ALPG: variants seen among roughly 807,000 people sequenced by gnomAD.
ALPG encodes the protein alkaline phosphatase, germ cell, also known as alkaline phosphatase, germ cell type.
A neutral mutation model predicts 48.6 loss-of-function variants in ALPG; 32 were observed. The ratio of observed to expected loss-of-function variants is 0.66; its 90% CI spans 0.50 to 0.88. ALPG has a LOEUF of 0.88. ALPG is among the 40% of genes least tolerant of loss of function. ALPG has a pLI of 0.00. For missense variants in ALPG, 533 were observed against 718.1 expected, an observed-to-expected ratio of 0.74 and a Z score of 2.95; for synonymous variants, 244 against 308.9, an observed-to-expected ratio of 0.79 and a Z score of 2.20.
rs41265115 is a variant in ALPG, at chr2:232,407,383, G to C, written c.282G>C (p.Pro94=). ...CCTTCCTGGCCATGGACCGCTTCCC[G>C]TACGTGGCTCTGTCCAAGGTAAGTG... ...PETFLAMDRF[P]YVALSKTYSV... The change falls in exon 3 of 11, where the codon CCG becomes CCC. Residue 94 remains proline (P), a synonymous_variant. Transcript: ENST00000295453. 3.7e-6 allele frequency: 6 copies of C among 1,613,860 alleles called. No individual in the cohort carries two copies. The highest frequency in any genetic ancestry group is 4.2e-6 in the Non-Finnish European group (5 of 1,179,968).
chr2:232,407,921 C>T lies in ALPG; in HGVS notation c.552C>T (p.Asn184=), dbSNP rs200632383. Residue 184 remains asparagine, a synonymous_variant, in exon 5 of 11, where the codon AAC becomes AAT. Coordinates refer to ENST00000295453, the MANE Select transcript of ALPG (RefSeq NM_031313.3). Reference sequence around the variant, plus strand: ...CCGGCGCCTACGCCCACACGGTGAACCGCAACTGGTACTCGGATGCCGACG... The same window carrying T: ...CCGGCGCCTACGCCCACACGGTGAATCGCAACTGGTACTCGGATGCCGACG... ...SPAGAYAHTV[N]RNWYSDADVP... is the part of the protein sequence containing the mutation. 1.6e-5 allele frequency: 26 copies of T among 1,613,360 alleles called. 1 individual carries two copies. The highest frequency in any genetic ancestry group is 2.2e-5 in the Non-Finnish European group (26 of 1,180,018).
intron 7 of ALPG, 24 bp from the exon 8 acceptor site, chr2:232,408,680 A>T (rs1245052367): frequency 6.8e-7 from 1 of 1,476,482 alleles, no homozygotes; most frequent in Non-Finnish European, 9.3e-7. Flanking sequence ...CCTGCCAGTC[A>T]CCACAGGACC....
chr2:232,407,589 C>G lies in ALPG; in HGVS notation c.301-5C>G, dbSNP rs375205826. The G allele has an allele frequency of 3.5e-5, 57 of 1,613,654 alleles. No individual in the cohort carries two copies. Among genetic ancestry groups the G allele is most frequent in the Non-Finnish European group, 4.7e-5 (55 of 1,180,008 alleles). Reference sequence around the variant, plus strand: ...GAGAAGAGCTCAGAGTGTCTCTGTCCCCAGACATACAGTGTAGACAAGCAT... The same window carrying G: ...GAGAAGAGCTCAGAGTGTCTCTGTCGCCAGACATACAGTGTAGACAAGCAT... On this transcript the variant is annotated splice_region_variant and splice_polypyrimidine_tract_variant and intron_variant, in intron 3 of 10. Transcript: ENST00000295453.
rs1283053155 is a variant in ALPG, at chr2:232,408,024, C to A, written c.648+7C>A. 1 of 1,605,306 alleles carries A rather than the reference C, an allele frequency of 6.2e-7. No homozygotes were observed. The highest frequency in any genetic ancestry group is 2.2e-5 in the East Asian group (1 of 44,838). On this transcript the variant is annotated splice_region_variant and intron_variant, in intron 5 of 10. Coordinates refer to ENST00000295453, the MANE Select transcript of ALPG (RefSeq NM_031313.3). ...CTCCAACATGGACATTGATGTGCGA[C>A]CCCCGGGCCAAGGGCTGGGGCTGGG...
rs544925049 is a variant in ALPG at position 232,409,364 on chromosome 2, G to A, written c.1216G>A (p.Ala406Thr). The A allele has an allele frequency of 8.6e-5, 137 of 1,593,048 alleles. 1 individual carries two copies. The Middle Eastern group carries it at 2.8e-3, about 33-fold the overall frequency. Residue 406 changes from alanine (A) to threonine (T), a missense_variant, in exon 10 of 11, where the codon GCC (alanine) becomes ACC (threonine). Ala to Thr is a moderately conservative substitution (Grantham distance 58). Coordinates refer to ENST00000295453, the MANE Select transcript of ALPG (RefSeq NM_031313.3). The stretch of plus-strand genomic sequence containing the variant: ...CCCTGGCAAGGCCCGGGACAGGAAG[G>A]CCTACACGGTCCTCCTATACGGAAA... Reference protein sequence around the residue: ...LAPGKARDRKAYTVLLYGNGP... With the variant: ...LAPGKARDRKTYTVLLYGNGP...
Position 232,410,020 on chromosome 2 carries a change from C to A in ALPG, c.*148C>A. ...CATGGAACCTTCCCCTCCCGGTGCA[C>A]CCTGGGGACCGAGCCCTTGACACCA... On this transcript the variant is annotated 3_prime_UTR_variant, in exon 11 of 11. Coordinates refer to ENST00000295453, the MANE Select transcript of ALPG (RefSeq NM_031313.3). 8.0e-7 allele frequency: 1 copy of A among 1,257,768 alleles called. No homozygotes were observed. Among genetic ancestry groups the A allele is most frequent in the Non-Finnish European group, 1.1e-6 (1 of 938,462 alleles). 77.9% of individuals were successfully genotyped at this position (1,257,768 alleles called of 1,614,324 possible).
chr2:232,407,855 G>T lies in ALPG; in HGVS notation c.486G>T (p.Val162=). The T allele has an allele frequency of 6.2e-7, 1 of 1,613,562 alleles. No homozygotes were observed. The highest frequency in any genetic ancestry group is 8.5e-7 in the Non-Finnish European group (1 of 1,180,008). ...CTCTATCACCCTCAGGAAAGTCAGT[G>T]GGAGTGGTAACCACCACACGGGTGC... The part of the protein sequence containing the change: ...MNRAKKAGKS[V]GVVTTTRVQH... Residue 162 remains valine (V), a synonymous_variant, in exon 5 of 11, where the codon GTG becomes GTT. Coordinates refer to ENST00000295453, the MANE Select transcript of ALPG (RefSeq NM_031313.3).
rs1301744364 is a variant in ALPG at position 232,407,931 on chromosome 2, T to G, written c.562T>G (p.Tyr188Asp). ...CGCCCACACGGTGAACCGCAACTGG[T>G]ACTCGGATGCCGACGTGCCTGCCTC... Reference protein sequence around the residue: ...AYAHTVNRNWYSDADVPASAR... With the variant: ...AYAHTVNRNWDSDADVPASAR... The change falls in exon 5 of 11, where the codon TAC (tyrosine) becomes GAC (aspartate). Residue 188 changes from tyrosine (Y) to aspartate (D), a missense_variant. By Grantham distance (160) the Tyr-to-Asp change is radical (BLOSUM62 -3). Coordinates refer to ENST00000295453, the MANE Select transcript of ALPG (RefSeq NM_031313.3). The G allele has an allele frequency of 1.2e-6, 2 of 1,613,410 alleles. No homozygotes were observed. Among genetic ancestry groups the G allele is most frequent in the South Asian group, 2.2e-5 (2 of 90,978 alleles).
chr2:232,410,199 C>G lies in ALPG; in HGVS notation c.*327C>G, dbSNP rs951642802. On this transcript the variant is annotated 3_prime_UTR_variant, in exon 11 of 11. Transcript: ENST00000295453. ...AGGTGGATCAGGCAGGCTCTCTCCCCGGGGACATGAGGCACCCATACCTAG... is the reference window on the plus strand; with the variant it reads ...AGGTGGATCAGGCAGGCTCTCTCCCGGGGGACATGAGGCACCCATACCTAG... 4.5e-6 allele frequency: 2 copies of G among 441,792 alleles called. No homozygotes were observed. Among genetic ancestry groups the G allele is most frequent in the East Asian group, 8.4e-5 (2 of 23,746 alleles). The allele number at this position is 441,792 out of a possible 1,614,324, so 27.4% of individuals were successfully genotyped here.
Position 232,409,653 on chromosome 2 carries a change from G to C in ALPG, c.1380G>C (p.Ala460=). ...THAGEDVAVF[A]RGPQAHLVHG... ...CAGGCGAGGACGTGGCGGTGTTCGC[G>C]CGCGGCCCGCAGGCGCACCTGGTTC... Residue 460 remains alanine (A), a synonymous_variant, in exon 11 of 11, where the codon GCG becomes GCC. Transcript: ENST00000295453. 1 of 1,611,874 alleles carries C rather than the reference G, an allele frequency of 6.2e-7. No individual in the cohort carries two copies. Among genetic ancestry groups the C allele is most frequent in the Admixed American group, 1.7e-5 (1 of 59,896 alleles).
chr2:232,409,768 G>C lies in ALPG; in HGVS notation c.1495G>C (p.Ala499Pro). The C allele has an allele frequency of 6.2e-7, 1 of 1,606,774 alleles. No homozygotes were observed. Among genetic ancestry groups the C allele is most frequent in the Non-Finnish European group, 8.5e-7 (1 of 1,177,596 alleles). ...CACCGCCTGCGACCTGGCGCCCCGCGCCGGCACCACCGACGCCGCGCACCC... is the reference window on the plus strand; with the variant it reads ...CACCGCCTGCGACCTGGCGCCCCGCCCCGGCACCACCGACGCCGCGCACCC... Reference protein sequence around the residue: ...PYTACDLAPRAGTTDAAHPGP... With the variant: ...PYTACDLAPRPGTTDAAHPGP... Residue 499 changes from alanine (A) to proline (P), a missense_variant, in exon 11 of 11, where the codon GCC becomes CCC. Ala to Pro is a conservative substitution (Grantham distance 27). This residue lies in a region of ALPG where 145 missense variants were observed against 174.3 expected (regional missense o/e 0.83). Transcript: ENST00000295453.
Position 232,407,100 on chromosome 2 carries a change from G to A in ALPG, c.111G>A (p.Glu37=), listed in dbSNP as rs201595989. 89 of 1,613,964 alleles carry A rather than the reference G, an allele frequency of 5.5e-5. No homozygotes were observed. The Middle Eastern group carries it at 1.5e-3, about 27-fold the overall frequency. The change falls in exon 2 of 11, where the codon GAG becomes GAA. Residue 37 remains glutamate, a synonymous_variant. Coordinates refer to ENST00000295453, the MANE Select transcript of ALPG (RefSeq NM_031313.3). ...NPDFWNRQAA[E]ALGAAKKLQP... ...ACTTCTGGAACCGCCAGGCAGCCGA[G>A]GCCCTGGGTGCCGCCAAGAAGCTGC...
At position 232,409,782 on chromosome 2, in the gene ALPG, C is replaced by G; in HGVS notation, c.1509C>G (p.Asp503Glu). The change falls in exon 11 of 11, where the codon GAC becomes GAG. Residue 503 changes from aspartate to glutamate, a missense_variant. Physicochemically the swap from Asp to Glu is conservative, Grantham distance 45. Around this residue, in one of 6 missense-constraint regions of ALPG, gnomAD observed 145 missense variants for 174.3 expected, o/e 0.83. Coordinates refer to ENST00000295453, the MANE Select transcript of ALPG (RefSeq NM_031313.3). ...CDLAPRAGTT[D>E]AAHPGPSVVP... ...TGGCGCCCCGCGCCGGCACCACCGA[C>G]GCCGCGCACCCGGGGCCGTCCGTGG... The G allele has an allele frequency of 6.2e-7, 1 of 1,603,204 alleles. No individual in the cohort carries two copies. Among genetic ancestry groups the G allele is most frequent in the South Asian group, 1.1e-5 (1 of 90,290 alleles).
In ALPG at chr2:232,407,885, T is replaced by G. The variant is rs113898433; in HGVS notation, c.516T>G (p.His172Gln). 1.2e-6 allele frequency: 2 copies of G among 1,613,326 alleles called. No individual in the cohort carries two copies. Among genetic ancestry groups the G allele is most frequent in the African/African-American group, 1.3e-5 (1 of 74,924 alleles). Residue 172 changes from histidine to glutamine, a missense_variant, in exon 5 of 11, where the codon CAT becomes CAG. By Grantham distance (24) the His-to-Gln change is conservative. Coordinates refer to ENST00000295453, the MANE Select transcript of ALPG (RefSeq NM_031313.3). ...VGVVTTTRVQ[H>Q]ASPAGAYAHT... ...TGGTAACCACCACACGGGTGCAGCA[T>G]GCCTCGCCAGCCGGCGCCTACGCCC... is the stretch of plus-strand genomic sequence containing the variant.
rs1229111966 is a variant in ALPG at position 232,409,595 on chromosome 2, A to C, written c.1322A>C (p.Gln441Pro). 1.2e-6 allele frequency: 2 copies of C among 1,612,880 alleles called. No homozygotes were observed. The highest frequency in any genetic ancestry group is 1.7e-5 in the Admixed American group (1 of 59,968). ...CCAGGGAGCCCCGAGTATCGGCAGCAGTCAGCAGTGCCCCTGGACGGAGAG... is the reference window on the plus strand; with the variant it reads ...CCAGGGAGCCCCGAGTATCGGCAGCCGTCAGCAGTGCCCCTGGACGGAGAG... ...SESGSPEYRQ[Q>P]SAVPLDGETH... Residue 441 changes from glutamine (Q) to proline (P), a missense_variant, in exon 11 of 11, where the codon CAG becomes CCG. This residue lies in a region of ALPG where 145 missense variants were observed against 174.3 expected (regional missense o/e 0.83). Transcript: ENST00000295453.
chr2:232,409,882 C>G lies in ALPG; in HGVS notation c.*10C>G. ...GGCCACTGCTCCCTGAGTGTCCCGT[C>G]CCTGGGGCTCCTGCTTCCCCATCCC... On this transcript the variant is annotated 3_prime_UTR_variant, in exon 11 of 11. Coordinates refer to ENST00000295453, the MANE Select transcript of ALPG (RefSeq NM_031313.3). 6.5e-7 allele frequency: 1 copy of G among 1,541,306 alleles called. No individual in the cohort carries two copies. The highest frequency in any genetic ancestry group is 2.3e-5 in the East Asian group (1 of 42,556).
In ALPG at chr2:232,410,311, TGGCTTCCTGCCA is replaced by T. The variant is rs1697166193; in HGVS notation, c.*440_*451del. The T allele has an allele frequency of 5.0e-6, 1 of 201,264 alleles. No homozygotes were observed. Among genetic ancestry groups the T allele is most frequent in the Non-Finnish European group, 1.0e-5 (1 of 100,486 alleles). 12.5% of individuals were successfully genotyped at this position (201,264 alleles called of 1,614,324 possible). Reference sequence around the variant, plus strand: ...TGCATCAGGACGCCTTGGAGAAGCGTGGCTTCCTGCCACCCTGCAACCCACCCTCCCAGCCAA... The same window carrying T: ...TGCATCAGGACGCCTTGGAGAAGCGTCCCTGCAACCCACCCTCCCAGCCAA... On this transcript the variant is annotated 3_prime_UTR_variant, in exon 11 of 11. Transcript: ENST00000295453.
In ALPG at chr2:232,406,945, C is replaced by T. The variant is rs765694551; in HGVS notation, c.51C>T (p.Ser17=). The part of the protein sequence containing the change: ...LLLLGLRLQL[S]LGIIPVEEEN... ...TGCTGGGCCTGAGGCTACAGCTCTC[C>T]CTGGGCATCATCCCAGGTAATGAGG... Residue 17 remains serine, a synonymous_variant, in exon 1 of 11, where the codon TCC becomes TCT. Coordinates refer to ENST00000295453, the MANE Select transcript of ALPG (RefSeq NM_031313.3). 4 of 1,612,978 alleles carry T rather than the reference C, an allele frequency of 2.5e-6. No individual in the cohort carries two copies. Among genetic ancestry groups the T allele is most frequent in the Non-Finnish European group, 3.4e-6 (4 of 1,179,792 alleles).
Position 232,407,745 on chromosome 2 carries a change from T to C in ALPG, c.452T>C (p.Val151Ala), listed in dbSNP as rs751470478. 1.9e-6 allele frequency: 3 copies of C among 1,613,780 alleles called. No individual in the cohort carries two copies. Among genetic ancestry groups the C allele is most frequent in the Non-Finnish European group, 2.5e-6 (3 of 1,180,004 alleles). ...NTTRGNEVIS[V>A]MNRAKKAGKS... ...ACACGCGGCAACGAGGTCATCTCCG[T>C]GATGAATCGGGCCAAGAAAGCAGGT... Residue 151 changes from valine to alanine, a missense_variant, in exon 4 of 11, where the codon GTG (valine) becomes GCG (alanine). Physicochemically the swap from Val to Ala is moderately conservative, Grantham distance 64 (BLOSUM62 0). Around this residue, in one of 6 missense-constraint regions of ALPG, gnomAD observed 315 missense variants for 305.8 expected, o/e 1.03. Coordinates refer to ENST00000295453, the MANE Select transcript of ALPG (RefSeq NM_031313.3).
Sources: gnomAD v4.1 joint callset for allele counts on GRCh38, gnomAD v4.1.1 for gene constraint, gnomAD v4.1.1 regional missense constraint, MANE v1.5 for transcripts, NCBI Gene and HGNC (gene_info 2026-07-23, HGNC 2026-07-21) for gene names.